KIAA1549L: variants seen among roughly 807,000 people sequenced by gnomAD.
KIAA1549L encodes KIAA1549 like.
KIAA1549L carries 88 observed loss-of-function variants against 160.7 expected under a neutral mutation model. The observed-to-expected ratio is 0.55, with a 90% confidence interval of 0.46 to 0.65. The LOEUF (loss-of-function observed/expected upper bound fraction) is 0.65, where lower values mean the gene tolerates loss of function less well. KIAA1549L is among the 30% of genes least tolerant of loss of function. The pLI is 0.00. For missense variants in KIAA1549L, 2,258 were observed against 2,437.5 expected, an observed-to-expected ratio of 0.93 and a Z score of 1.55; for synonymous variants, 950 against 976.7, an observed-to-expected ratio of 0.97 and a Z score of 0.51.
intron 1 of KIAA1549L, among the ~76,000 whole-genome samples, chr11:33,439,434 G>A (rs1170163683): frequency 3.3e-5 from 5 of 151,224 alleles, no homozygotes; most frequent in South Asian, 2.1e-4. Context: ...ACTGAGTCTC[G>A]CTCTGTCGCC....
intron 1 of KIAA1549L, among the ~76,000 whole-genome samples, chr11:33,480,834 C>A (rs1484503290): frequency 2.0e-5 from 3 of 152,168 alleles, no homozygotes; most frequent in Non-Finnish European, 4.4e-5. Flanking sequence ...TTCCTAGCAG[C>A]CATGTGTCAC....
At position 33,547,805 on chromosome 11, in the gene KIAA1549L, T is replaced by A; in HGVS notation, c.3427T>A (p.Leu1143Met). The change falls in exon 4 of 21, where the codon TTG (leucine) becomes ATG (methionine). Residue 1143 changes from leucine to methionine, a missense_variant. By Grantham distance (15) the Leu-to-Met change is conservative. Around this residue, in one of 6 missense-constraint regions of KIAA1549L, gnomAD observed 1,359 missense variants for 1,546.6 expected, o/e 0.88. Transcript: ENST00000658780. ...TQRRVQISESLKFSIAKGLTQ... is the reference protein window; with the variant it reads ...TQRRVQISESMKFSIAKGLTQ... ...AAGGAGAGTGCAGATCAGTGAATCCTTGAAGTTCAGTATCGCCAAAGGGCT... is the reference window on the plus strand; with the variant it reads ...AAGGAGAGTGCAGATCAGTGAATCCATGAAGTTCAGTATCGCCAAAGGGCT... 6.2e-7 allele frequency: 1 copy of A among 1,613,644 alleles called. No homozygotes were observed. The highest frequency in any genetic ancestry group is 8.5e-7 in the Non-Finnish European group (1 of 1,179,704).
At chr11:33,619,463 A>G (rs532057030) in intron 16 of KIAA1549L, among the ~76,000 whole-genome samples, 11 of 152,328 alleles carry the variant, frequency 7.2e-5, no homozygotes, top group South Asian at 4.1e-4. Context: ...AGATAAACTT[A>G]TGTTATAATT....
intron 1 of KIAA1549L, among the ~76,000 whole-genome samples, chr11:33,532,183 A>G (rs1449299129): frequency 3.9e-5 from 6 of 152,194 alleles, no homozygotes; most frequent in African/African-American, 1.4e-4. Flanking sequence ...AATGGAGATA[A>G]TCTTGATTCT....
At chr11:33,490,545 A>T (rs61083739) in intron 1 of KIAA1549L, among the ~76,000 whole-genome samples, 1 of 152,020 alleles carries the variant, frequency 6.6e-6, no homozygotes, top group Admixed American at 6.6e-5. Flanking sequence ...GGCTGATCTG[A>T]AACTCCTGAG....
Position 33,451,541 on chromosome 11 carries a change from C to T in KIAA1549L, c.238+74652C>T, listed in dbSNP as rs1396508018. ...ACACTGGGGCAAATTTATCATCCTGCGTAAATGTCATTAAATTTTACTCAC... is the reference window on the plus strand; with the variant it reads ...ACACTGGGGCAAATTTATCATCCTGTGTAAATGTCATTAAATTTTACTCAC... On this transcript the variant is annotated intron_variant, in intron 1 of 20. Transcript: ENST00000658780. 3.9e-5 allele frequency among the ~76,000 whole-genome samples: 6 copies of T among 152,186 alleles called. No individual in the cohort carries two copies. In the East Asian group the frequency reaches 7.7e-4, roughly 20 times the overall value.
intron 1 of KIAA1549L, among the ~76,000 whole-genome samples, chr11:33,472,177 T>G (rs533309650): frequency 2.0e-5 from 3 of 151,914 alleles, no homozygotes; most frequent in African/African-American, 7.2e-5. Context: ...CTGCGTTACC[T>G]AGACTTGAGT....
In KIAA1549L at chr11:33,544,759, CTT is replaced by C. The variant is rs1324262463; in HGVS notation, c.2774-6_2774-5del. The C allele has an allele frequency of 6.3e-7, 1 of 1,575,258 alleles. No individual in the cohort carries two copies. The highest frequency in any genetic ancestry group is 1.2e-5 in the South Asian group (1 of 85,172). ...CAATGACAAACTTTGTTTTTTCTCTCTTTACAGCGGACACAGTATCATCTAAG... is the reference window on the plus strand; with the variant it reads ...CAATGACAAACTTTGTTTTTTCTCTCTACAGCGGACACAGTATCATCTAAG... On this transcript the variant is annotated splice_region_variant and splice_polypyrimidine_tract_variant and intron_variant, in intron 2 of 20. Coordinates refer to ENST00000658780, the MANE Select transcript of KIAA1549L (RefSeq NM_012194.3).
intron 1 of KIAA1549L, among the ~76,000 whole-genome samples, chr11:33,443,451 C>T (rs553593997): frequency 3.9e-4 from 59 of 152,268 alleles, no homozygotes; most frequent in African/African-American, 1.3e-3. Flanking sequence ...ACAGTGCCCA[C>T]CAAGGGGTGG....
intron 17 of KIAA1549L, among the ~76,000 whole-genome samples, chr11:33,646,261 A>G: frequency 6.6e-6 from 1 of 152,204 alleles, no homozygotes; most frequent in East Asian, 1.9e-4. Context: ...TCCAGCCATA[A>G]TGTATTTTAG....
intron 13 of KIAA1549L, among the ~76,000 whole-genome samples, chr11:33,606,195 A>T (rs188460751): frequency 6.6e-6 from 1 of 152,358 alleles, no homozygotes; most frequent in East Asian, 1.9e-4. Context: ...CTACTTTAAC[A>T]TCTTGTAAAG....
chr11:33,438,328 T>G (rs1216351988), intron 1 of KIAA1549L, among the ~76,000 whole-genome samples: 1 of 152,268 alleles, frequency 6.6e-6, no homozygotes, highest in Non-Finnish European at 1.5e-5. Context: ...TGTCCCACTC[T>G]TGGCTTTTAC....
intron 16 of KIAA1549L, among the ~76,000 whole-genome samples, chr11:33,629,133 T>C (rs1482707068): frequency 2.0e-5 from 3 of 152,214 alleles, no homozygotes; most frequent in Non-Finnish European, 4.4e-5. Flanking sequence ...TTCTGGCTTG[T>C]AGAGTTTCTG....
chr11:33,542,974 G>A lies in KIAA1549L; in HGVS notation c.1411G>A (p.Val471Met). 1 of 1,613,986 alleles carries A rather than the reference G, an allele frequency of 6.2e-7. No individual in the cohort carries two copies. Residue 471 changes from valine to methionine, a missense_variant, in exon 2 of 21, where the codon GTG (valine) becomes ATG (methionine). By Grantham distance (21) the Val-to-Met change is conservative. This residue lies in a region of KIAA1549L where 540 missense variants were observed against 465.7 expected (regional missense o/e 1.16). Transcript: ENST00000658780. ...ALSAEHTSSL[V>M]PSLHITTLGQ... ...TTCGGCAGAACACACCTCTTCTTTG[G>A]TGCCTTCTCTGCATATCACCACACT...
chr11:33,538,990 CTGT>C (rs1286437289), intron 1 of KIAA1549L, among the ~76,000 whole-genome samples: 12 of 152,206 alleles, frequency 7.9e-5, no homozygotes, highest in Non-Finnish European at 1.6e-4. Flanking sequence ...GCAAGCCTTT[CTGT>C]TTAATCCTAA....
chr11:33,472,327 C>T (rs918679029), intron 1 of KIAA1549L, among the ~76,000 whole-genome samples: 11 of 137,874 alleles, frequency 8.0e-5, no homozygotes, highest in African/African-American at 3.0e-4. Context: ...CATTATGTTG[C>T]CCAGGTTGGT....
chr11:33,389,651 C>G (rs185020952), intron 1 of KIAA1549L, among the ~76,000 whole-genome samples: 67 of 152,298 alleles, frequency 4.4e-4, no homozygotes, highest in African/African-American at 1.4e-3. Flanking sequence ...TTTCTCTAGT[C>G]TCTAGTCCAG....
intron 1 of KIAA1549L, among the ~76,000 whole-genome samples, chr11:33,470,919 C>A (rs945709156): frequency 3.9e-5 from 6 of 152,122 alleles, no homozygotes; most frequent in Non-Finnish European, 8.8e-5. Context: ...AGGAAGTAGG[C>A]AGTGTTGGTG....
intron 16 of KIAA1549L, among the ~76,000 whole-genome samples, chr11:33,628,183 C>T (rs1851173642): frequency 6.6e-6 from 1 of 151,996 alleles, no homozygotes; most frequent in South Asian, 2.1e-4. Flanking sequence ...TTTACATTTG[C>T]TGAGGAGAGC....
Sources: gnomAD v4.1 joint callset for allele counts (sites outside exome capture counted in the v4.1 genomes callset) on GRCh38, gnomAD v4.1.1 for gene constraint, gnomAD v4.1.1 regional missense constraint, MANE v1.5 for transcripts, NCBI Gene and HGNC (gene_info 2026-07-23, HGNC 2026-07-21) for gene names.